The following KIT variants were observed in gnomAD, a reference collection of about 807,000 sequenced individuals.
KIT encodes KIT proto-oncogene, receptor tyrosine kinase, also known as mast/stem cell growth factor receptor Kit.
KIT carries 16 observed loss-of-function variants against 105.7 expected under a neutral mutation model. The ratio of observed to expected loss-of-function variants is 0.15; its 90% CI spans 0.10 to 0.23. The LOEUF (loss-of-function observed/expected upper bound fraction) is 0.23. KIT is among the 10% of genes least tolerant of loss of function. The probability of loss-of-function intolerance (pLI) is 1.00; values close to 1 mark genes in which losing one functional copy is unlikely to be tolerated. For synonymous variants in KIT, 438 were observed against 441.1 expected, an observed-to-expected ratio of 0.99 and a Z score of 0.09; for missense variants, 858 against 1,213.8, an observed-to-expected ratio of 0.71 and a Z score of 4.36.
chr4:54,680,233 A>G (rs1054286094), intron 1 of KIT, among the ~76,000 whole-genome samples: 1 of 152,182 alleles, frequency 6.6e-6, no homozygotes, highest in Non-Finnish European at 1.5e-5. Context: ...ATATATACAC[A>G]TGCACACAGA....
At chr4:54,718,922 C>G (rs1560410986) in intron 7 of KIT, among the ~76,000 whole-genome samples, 1 of 152,050 alleles carries the variant, frequency 6.6e-6, no homozygotes, top group Non-Finnish European at 1.5e-5. Flanking sequence ...GGTTATTTTT[C>G]TACTCCAATT....
At chr4:54,716,092 G>A (rs943767663) in intron 7 of KIT, among the ~76,000 whole-genome samples, 4 of 152,194 alleles carry the variant, frequency 2.6e-5, no homozygotes, top group Non-Finnish European at 5.9e-5. Context: ...TTGTGTTAGA[G>A]GCCACAAATT....
chr4:54,737,545 G>C (rs1722995875), intron 20 of KIT, among the ~76,000 whole-genome samples: 1 of 152,174 alleles, frequency 6.6e-6, no homozygotes, highest in Admixed American at 6.5e-5. Flanking sequence ...TTTCCATAAG[G>C]ATTTGCCATG....
Position 54,731,821 on chromosome 4 carries a change from C to T in KIT, c.2234-50C>T, listed in dbSNP as rs72549295. The T allele has an allele frequency of 7.3e-3, 11,690 of 1,604,374 alleles. 74 individuals are homozygous for T. The highest frequency in any genetic ancestry group is 0.018 in the South Asian group (1,628 of 90,886). On this transcript the variant is annotated intron_variant, in intron 15 of 20. Coordinates refer to ENST00000288135, the MANE Select transcript of KIT (RefSeq NM_000222.3). ...TGTCATTGCCACTGTCTTTTCCTTT[C>T]CTGACCTTTATGGTTGTAATTGCTA... is the stretch of plus-strand genomic sequence containing the variant.
At chr4:54,733,854 G>C (rs1722754653) in intron 17 of KIT, among the ~76,000 whole-genome samples, 1 of 152,134 alleles carries the variant, frequency 6.6e-6, no homozygotes, top group South Asian at 2.1e-4. Flanking sequence ...TAGAGCCTGT[G>C]ATTTCCAGAG....
rs761703470 is a variant in KIT, at chr4:54,728,021, T to C, written c.1890T>C (p.His630=). The C allele has an allele frequency of 1.9e-6, 3 of 1,613,920 alleles. No homozygotes were observed. The highest frequency in any genetic ancestry group is 2.5e-6 in the Non-Finnish European group (3 of 1,179,924). ...TGTTTCCAATTTTAGCGAGTGCCCATTTGACAGAACGGGAAGCCCTCATGT... is the reference window on the plus strand; with the variant it reads ...TGTTTCCAATTTTAGCGAGTGCCCACTTGACAGAACGGGAAGCCCTCATGT... ...VAVKMLKPSA[H]LTEREALMSE... Residue 630 remains histidine (H), a synonymous_variant, in exon 13 of 21, where the codon CAT becomes CAC. Transcript: ENST00000288135.
intron 1 of KIT, among the ~76,000 whole-genome samples, chr4:54,678,987 G>A (rs1718716533): frequency 6.6e-6 from 1 of 151,434 alleles, no homozygotes; most frequent in South Asian, 2.1e-4. Flanking sequence ...GAAGGAGACA[G>A]CCTTGTATTA....
intron 8 of KIT, among the ~76,000 whole-genome samples, chr4:54,723,949 T>C (rs1209627958): frequency 6.6e-6 from 1 of 152,214 alleles, no homozygotes; most frequent in African/African-American, 2.4e-5. Context: ...TATCATGCAA[T>C]TTCTAGCCTG....
In KIT at chr4:54,738,833, T is replaced by C. The variant is rs967871256; in HGVS notation, c.*276T>C. 3 of 602,064 alleles carry C rather than the reference T, an allele frequency of 5.0e-6. No individual in the cohort carries two copies. 37.3% of individuals were successfully genotyped at this position (602,064 alleles called of 1,614,324 possible). ...TGGAAAAAGAGAGGGAGGTATGGAC[T>C]GGGGGCCAGAGTCCTTTCCAAGGCT... On this transcript the variant is annotated 3_prime_UTR_variant, in exon 21 of 21. Transcript: ENST00000288135.
intron 7 of KIT, among the ~76,000 whole-genome samples, chr4:54,723,088 A>G (rs966799918): frequency 2.6e-5 from 4 of 152,132 alleles, no homozygotes; most frequent in African/African-American, 7.2e-5. Context: ...TCCACCCCCA[A>G]AAAGGAGAAA....
At chr4:54,685,223 C>A (rs1374694018) in intron 1 of KIT, among the ~76,000 whole-genome samples, 1 of 152,158 alleles carries the variant, frequency 6.6e-6, no homozygotes, top group African/African-American at 2.4e-5. Flanking sequence ...ACCACTACCA[C>A]CCTCTGTGTG....
intron 14 of KIT, 45 bp from the exon 15 acceptor site, chr4:54,731,283 A>T (rs1722575699): frequency 7.3e-7 from 1 of 1,368,690 alleles, no homozygotes; most frequent in Non-Finnish European, 1.0e-6. Context: ...GTGCCCTTCT[A>T]CATGTCCCAC....
intron 19 of KIT, 86 bp downstream of exon 19, chr4:54,736,906 T>A: frequency 1.0e-6 from 1 of 971,112 alleles, no homozygotes; most frequent in Non-Finnish European, 1.6e-6. Context: ...TTGAGGGTTT[T>A]CATAACACAG....
chr4:54,736,054 T>A, intron 17 of KIT, among the ~76,000 whole-genome samples: 1 of 152,160 alleles, frequency 6.6e-6, no homozygotes, highest in East Asian at 1.9e-4. Context: ...TACAACTTAG[T>A]GGCCAAAACC....
At position 54,698,489 on chromosome 4, in the gene KIT, G is replaced by A. The variant is rs746419269; in HGVS notation, c.543G>A (p.Arg181=). 1.2e-6 allele frequency: 2 copies of A among 1,614,194 alleles called. No individual in the cohort carries two copies. Among genetic ancestry groups the A allele is most frequent in the African/African-American group, 2.7e-5 (2 of 75,050 alleles). ...MIKSVKRAYH[R]LCLHCSVDQE... The stretch of plus-strand genomic sequence containing the variant: ...AAAGTGTGAAACGCGCCTACCATCG[G>A]CTCTGTCTGCATTGTTCTGTGGACC... Residue 181 remains arginine, a synonymous_variant, in exon 3 of 21, where the codon CGG becomes CGA. Transcript: ENST00000288135.
intron 9 of KIT, 65 bp from the exon 10 acceptor site, chr4:54,727,153 G>A (rs2109773069): frequency 7.3e-7 from 1 of 1,374,508 alleles, no homozygotes; most frequent in Non-Finnish European, 1.0e-6. Context: ...GTTTGGGACT[G>A]AGTGGCTGTG....
At chr4:54,727,628 T>C in intron 11 of KIT, 86 bp downstream of exon 11, 1 of 1,549,602 alleles carries the variant, frequency 6.5e-7, no homozygotes, top group Non-Finnish European at 8.9e-7. Context: ...TTCCTTTGTT[T>C]TGTTCCACCT....
At chr4:54,712,448 G>C (rs1165115507) in intron 7 of KIT, among the ~76,000 whole-genome samples, 1 of 152,172 alleles carries the variant, frequency 6.6e-6, no homozygotes, top group Non-Finnish European at 1.5e-5. Flanking sequence ...GAGGTACTTT[G>C]TGTTACCACT....
At chr4:54,678,223 C>A (rs1167789658) in intron 1 of KIT, among the ~76,000 whole-genome samples, 1 of 151,552 alleles carries the variant, frequency 6.6e-6, no homozygotes, top group Non-Finnish European at 1.5e-5. Context: ...CCTATGTTGT[C>A]TGTTTCCTTC....
Sources: gnomAD v4.1 joint callset for allele counts (sites outside exome capture counted in the v4.1 genomes callset) on GRCh38, gnomAD v4.1.1 for gene constraint, MANE v1.5 for transcripts, NCBI Gene and HGNC (gene_info 2026-07-23, HGNC 2026-07-21) for gene names.